The following GSE1 variants were observed in gnomAD, a reference collection of about 807,000 sequenced individuals.
GSE1 encodes Gse1 coiled-coil protein.
Under a neutral mutation model 112.6 loss-of-function variants are expected in GSE1, and 32 were observed. The ratio of observed to expected loss-of-function variants is 0.28; its 90% CI spans 0.21 to 0.38. GSE1 has a LOEUF of 0.38. GSE1 is among the 10% of genes least tolerant of loss of function. GSE1 has a pLI of 1.00. For missense variants in GSE1, 2,348 were observed against 1,699.2 expected (o/e 1.38, Z -6.71); for synonymous variants, 1,115 against 735.6 (o/e 1.52, Z -8.35).
chr16:85,638,189 C>T (rs1015393472), intron 2 of GSE1, among the ~76,000 whole-genome samples: 3 of 152,248 alleles, frequency 2.0e-5, no homozygotes, highest in Admixed American at 2.0e-4. Flanking sequence ...CATTGTGTCT[C>T]AAGGGTGTAG....
At chr16:85,583,198 TAGGC>T (rs1164965514) in intron 1 of GSE1, 2 of 152,160 alleles carry the variant, frequency 1.3e-5, no homozygotes, top group African/African-American at 4.8e-5. Flanking sequence ...ACAAGGGTAA[TAGGC>T]AGGACATACA....
At chr16:85,547,858 G>A (rs1462645182) in intron 2 of GSE1, among the ~76,000 whole-genome samples, 1 of 136,984 alleles carries the variant, frequency 7.3e-6, no homozygotes, top group Non-Finnish European at 1.5e-5. Flanking sequence ...CAGCCTGGGT[G>A]ACAGAATGAG....
intron 9 of GSE1, chr16:85,662,493 C>T (rs960658339): frequency 2.6e-5 from 4 of 154,174 alleles, no homozygotes; most frequent in African/African-American, 9.6e-5. Context: ...TTTCTCTCCC[C>T]TACTCACTTT....
intron 2 of GSE1, among the ~76,000 whole-genome samples, chr16:85,634,958 G>GT (rs1052291794): frequency 2.6e-5 from 4 of 152,228 alleles, no homozygotes; most frequent in African/African-American, 7.2e-5. Context: ...CAGGCGGGGG[G>GT]GCTGAGGAAA....
At chr16:85,614,158 C>CA (rs2048208702) in intron 1 of GSE1, among the ~76,000 whole-genome samples, 1 of 151,888 alleles carries the variant, frequency 6.6e-6, no homozygotes, top group Non-Finnish European at 1.5e-5. Context: ...CGCCGCCCCC[C>CA]ACCCGCACTG....
At chr16:85,452,934 G>A (rs560213171) in intron 2 of GSE1, among the ~76,000 whole-genome samples, 36 of 152,278 alleles carry the variant, frequency 2.4e-4, no homozygotes, top group African/African-American at 8.7e-4. Flanking sequence ...CCCACCCTGT[G>A]GGCACTGAGG....
intron 2 of GSE1, among the ~76,000 whole-genome samples, chr16:85,394,217 G>C (rs78857772): frequency 6.6e-6 from 1 of 152,194 alleles, no homozygotes; most frequent in African/African-American, 2.4e-5. Context: ...AGGCAGCCGG[G>C]GGCCGGGGAG....
chr16:85,188,935 C>T (rs981709423), intron 1 of GSE1, among the ~76,000 whole-genome samples: 1 of 152,136 alleles, frequency 6.6e-6, no homozygotes, highest in Non-Finnish European at 1.5e-5. Context: ...TGCATATGTG[C>T]ATTTTCTGGA....
chr16:85,636,073 G>A (rs2049971338), intron 2 of GSE1, among the ~76,000 whole-genome samples: 1 of 152,246 alleles, frequency 6.6e-6, no homozygotes, highest in Admixed American at 6.5e-5. Context: ...AAGTGCCGCT[G>A]GGCGCCCCTG....
intron 2 of GSE1, among the ~76,000 whole-genome samples, chr16:85,384,445 T>A (rs566650644): frequency 6.6e-6 from 1 of 152,316 alleles, no homozygotes; most frequent in African/African-American, 2.4e-5. Context: ...TCCACATCTA[T>A]ACATGGGACC....
At chr16:85,545,895 G>T (rs2044678322) in intron 2 of GSE1, among the ~76,000 whole-genome samples, 1 of 152,146 alleles carries the variant, frequency 6.6e-6, no homozygotes. Context: ...CCATTCTTCT[G>T]TCTCAGCCTC....
intron 2 of GSE1, among the ~76,000 whole-genome samples, chr16:85,477,494 G>T (rs1394115209): frequency 6.6e-6 from 1 of 151,318 alleles, no homozygotes; most frequent in African/African-American, 2.4e-5. Flanking sequence ...TGAATGCTGT[G>T]AGCCCCTCCG....
chr16:85,357,966 A>G (rs2046986205), intron 2 of GSE1, among the ~76,000 whole-genome samples: 2 of 151,846 alleles, frequency 1.3e-5, no homozygotes, highest in South Asian at 2.1e-4. Context: ...GATGTTATGG[A>G]TAGTCTTGAG....
At chr16:85,247,320 G>T (rs921331403) in intron 1 of GSE1, among the ~76,000 whole-genome samples, 12 of 152,162 alleles carry the variant, frequency 7.9e-5, no homozygotes, top group African/African-American at 2.9e-4. Context: ...ACACATAATT[G>T]TCCATTGGAC....
intron 1 of GSE1, among the ~76,000 whole-genome samples, chr16:85,575,842 A>G: frequency 6.7e-6 from 1 of 148,328 alleles, no homozygotes; most frequent in East Asian, 2.0e-4. Flanking sequence ...TTATGGTTAT[A>G]TTTGTTTTAG....
At chr16:85,264,290 C>G (rs1908009121) in intron 1 of GSE1, among the ~76,000 whole-genome samples, 1 of 152,048 alleles carries the variant, frequency 6.6e-6, no homozygotes, top group African/African-American at 2.4e-5. Flanking sequence ...TCCCACATCC[C>G]TAGCTTAATA....
chr16:85,625,216 C>T (rs2048989793), intron 1 of GSE1, among the ~76,000 whole-genome samples: 1 of 152,218 alleles, frequency 6.6e-6, no homozygotes, highest in African/African-American at 2.4e-5. Context: ...AGCCCTTCAT[C>T]TGCCCGGCCT....
At chr16:85,550,968 C>T (rs556863308), upstream of GSE1, among the ~76,000 whole-genome samples, 39 of 152,342 alleles carry the variant, frequency 2.6e-4, no homozygotes, top group Non-Finnish European at 5.1e-4. Context: ...CAGAACATGG[C>T]CCTGCGCTGT....
At chr16:85,338,089 G>T (rs181167785) in intron 1 of GSE1, among the ~76,000 whole-genome samples, 98 of 152,306 alleles carry the variant, frequency 6.4e-4, no homozygotes, top group African/African-American at 2.3e-3. Flanking sequence ...GGCCCTGCTC[G>T]TCCTGCTCTT....
Sources: allele counts gnomAD v4.1 joint callset (sites outside exome capture counted in the v4.1 genomes callset), GRCh38; gene constraint gnomAD v4.1.1; transcripts MANE v1.5; gene names NCBI Gene and HGNC (gene_info 2026-07-23, HGNC 2026-07-21).